Variants in AFF2 observed in about 807,000 individuals in gnomAD.
AFF2 encodes the protein AF4/FMR2 family member 2.
AFF2 carries 14 observed loss-of-function variants against 76.9 expected under a neutral mutation model. The observed-to-expected ratio is 0.18, with a 90% CI of 0.12 to 0.28. The LOEUF (loss-of-function observed/expected upper bound fraction) is 0.28, where lower values mean the gene tolerates loss of function less well. Ranked by LOEUF, AFF2 falls within the 10% of genes least tolerant of loss-of-function variation. The pLI is 1.00. For synonymous variants in AFF2, 398 were observed against 366.7 expected (o/e 1.09, Z -0.98); for missense variants, 868 against 1,001.1 (o/e 0.87, Z 1.79).
chrX:148,541,108 T>A (rs2052849233), intron 1 of AFF2, among the ~76,000 whole-genome samples: 1 of 112,044 alleles, frequency 8.9e-6, no homozygotes. Flanking sequence ...GTGCTAATTG[T>A]GAGAAAATAT....
chrX:148,701,738 A>G (rs782041711), intron 3 of AFF2, among the ~76,000 whole-genome samples: 1 of 112,055 alleles, frequency 8.9e-6, no homozygotes, highest in Non-Finnish European at 1.9e-5. Flanking sequence ...CTGAAGTGTA[A>G]TTTACTTGGC....
At chrX:148,874,108 T>C (rs1453945281) in intron 7 of AFF2, among the ~76,000 whole-genome samples, 1 of 111,490 alleles carries the variant, frequency 9.0e-6, no homozygotes, top group Non-Finnish European at 1.9e-5. Context: ...GGCACCCTCT[T>C]ACCTGAAGCC....
intron 7 of AFF2, among the ~76,000 whole-genome samples, chrX:148,860,570 C>T (rs1217918715): frequency 8.9e-6 from 1 of 111,746 alleles, no homozygotes; most frequent in Non-Finnish European, 1.9e-5. Context: ...ATCTGTGCAT[C>T]CAGAAACTAT....
intron 1 of AFF2, among the ~76,000 whole-genome samples, chrX:148,639,681 A>G (rs2054067753): frequency 8.9e-6 from 1 of 111,950 alleles, no homozygotes; most frequent in Admixed American, 9.5e-5. Flanking sequence ...AGGCTCAAGA[A>G]TGAATTATGC....
intron 3 of AFF2, chrX:148,719,212 C>T (rs1358562998): frequency 7.8e-6 from 9 of 1,147,146 alleles, no homozygotes; most frequent in East Asian, 3.3e-5. Flanking sequence ...CAAGCATTTC[C>T]GTCCTTCTTC....
chrX:148,876,876 C>A (rs1466449698), intron 7 of AFF2, among the ~76,000 whole-genome samples: 1 of 111,594 alleles, frequency 9.0e-6, no homozygotes, highest in Non-Finnish European at 1.9e-5. Flanking sequence ...TACTTTAAGG[C>A]CATCTCCCAC....
chrX:148,949,666 C>T (rs2071942434), intron 9 of AFF2, among the ~76,000 whole-genome samples: 1 of 112,377 alleles, frequency 8.9e-6, no homozygotes, highest in African/African-American at 3.2e-5. Flanking sequence ...AATGTGGGTC[C>T]TTTGAGAAGT....
rs2071102554 is a variant in AFF2 at position 148,882,000 on chromosome X, C to T, written c.1263-3889C>T. Among the ~76,000 whole-genome samples the T allele has an allele frequency of 2.7e-5, 3 of 111,428 alleles. No individual in the cohort carries two copies. In the South Asian group the frequency reaches 1.1e-3, roughly 42 times the overall value. ...ACTCAGGTCTGTTTGGCTCTCGAGA[C>T]CTTGCTCTTAAGTCCATGCTGACTC... On this transcript the variant is annotated intron_variant, in intron 7 of 20. Coordinates refer to ENST00000370460, the MANE Select transcript of AFF2 (RefSeq NM_002025.4).
intron 3 of AFF2, among the ~76,000 whole-genome samples, chrX:148,709,041 A>G (rs1557262660): frequency 9.0e-6 from 1 of 111,378 alleles, no homozygotes; most frequent in Non-Finnish European, 1.9e-5. Context: ...TAATCATGTG[A>G]AATGTTTTGA....
At chrX:148,755,609 TCAGA>T (rs782064040) in intron 3 of AFF2, among the ~76,000 whole-genome samples, 22 of 112,174 alleles carry the variant, frequency 2.0e-4, no homozygotes, top group Non-Finnish European at 3.6e-4. Flanking sequence ...ATCTTATTCT[TCAGA>T]CAAAGGAATT....
At chrX:148,787,328 G>T (rs1557269602) in intron 3 of AFF2, among the ~76,000 whole-genome samples, 1 of 111,532 alleles carries the variant, frequency 9.0e-6, no homozygotes, top group East Asian at 2.8e-4. Context: ...GTGTGTGTGT[G>T]TGTATGTGTG....
intron 3 of AFF2, among the ~76,000 whole-genome samples, chrX:148,771,429 G>T (rs992538878): frequency 8.9e-6 from 1 of 111,983 alleles, no homozygotes; most frequent in Non-Finnish European, 1.9e-5. Flanking sequence ...ATCAAGACCT[G>T]CATTTCCTCC....
chrX:148,922,973 T>C (rs782334965), intron 9 of AFF2, among the ~76,000 whole-genome samples: 2 of 112,076 alleles, frequency 1.8e-5, no homozygotes, highest in Non-Finnish European at 3.8e-5. Context: ...TCAGAACAGT[T>C]TATTGGCTTC....
At chrX:148,851,909 C>A (rs1431155385) in intron 7 of AFF2, among the ~76,000 whole-genome samples, 1 of 109,494 alleles carries the variant, frequency 9.1e-6, no homozygotes, top group Non-Finnish European at 1.9e-5. Context: ...CCAGTATCTG[C>A]TGCTTGATTC....
chrX:148,798,550 A>G (rs1186220173), intron 3 of AFF2, among the ~76,000 whole-genome samples: 2 of 112,370 alleles, frequency 1.8e-5, no homozygotes, highest in African/African-American at 6.5e-5. Context: ...CAACACATTA[A>G]TTCTGGTCAA....
At chrX:148,846,292 A>C (rs1397537804) in intron 7 of AFF2, among the ~76,000 whole-genome samples, 1 of 112,064 alleles carries the variant, frequency 8.9e-6, no homozygotes, top group African/African-American at 3.2e-5. Context: ...TTGGAGACCT[A>C]GGTTTAATCC....
chrX:148,582,008 T>A (rs891137585), intron 1 of AFF2, among the ~76,000 whole-genome samples: 2 of 112,099 alleles, frequency 1.8e-5, no homozygotes, highest in Non-Finnish European at 3.8e-5. Context: ...CTTTGTTATT[T>A]CATGTCCTTG....
At chrX:148,862,505 T>G (rs2070860470) in intron 7 of AFF2, among the ~76,000 whole-genome samples, 1 of 112,062 alleles carries the variant, frequency 8.9e-6, no homozygotes, top group Non-Finnish European at 1.9e-5. Flanking sequence ...CTTCCCATTA[T>G]GCCCTCATTT....
At position 148,904,261 on chromosome X, in the gene AFF2, A is replaced by G. The variant is rs782214809; in HGVS notation, c.1397+3A>G. The stretch of plus-strand genomic sequence containing the variant: ...AAACCTAGGAATAATCCTGTGAAGT[A>G]AGTTATTATTTTTATTAGTTGCAAA... On this transcript the variant is annotated splice_donor_region_variant and intron_variant, in intron 9 of 20. Transcript: ENST00000370460. The G allele has an allele frequency of 9.0e-7, 1 of 1,109,662 alleles. No homozygotes were observed. The highest frequency in any genetic ancestry group is 2.3e-5 in the Admixed American group (1 of 44,318). The allele number at this position is 1,109,662 out of a possible 1,213,427, so 91.4% of individuals were successfully genotyped here. A position where few individuals can be genotyped will look rare whatever the true frequency, so the allele number is the denominator to read the frequency against.
Sources: allele counts gnomAD v4.1 joint callset (sites outside exome capture counted in the v4.1 genomes callset), GRCh38; gene constraint gnomAD v4.1.1; transcripts MANE v1.5; gene names NCBI Gene and HGNC (gene_info 2026-07-23, HGNC 2026-07-21).